Variants in ACTR8 observed in about 807,000 individuals in gnomAD.
ACTR8 encodes the protein actin related protein 8.
A neutral mutation model predicts 84.3 loss-of-function variants in ACTR8; 70 were observed. The observed-to-expected ratio is 0.83, with a 90% CI of 0.68 to 1.01. The LOEUF (loss-of-function observed/expected upper bound fraction) is 1.01, where lower values mean the gene tolerates loss of function less well. Among genes scored for constraint, ACTR8 ranks in the 50% least tolerant of loss-of-function variants. The pLI, the probability that ACTR8 is intolerant of heterozygous loss-of-function variation, is 0.00. For missense variants in ACTR8, 672 were observed against 775.4 expected (o/e 0.87, Z 1.58); for synonymous variants, 268 against 275.2 (o/e 0.97, Z 0.26).
At chr3:53,873,303 A>G (rs1364754913) in intron 8 of ACTR8, among the ~76,000 whole-genome samples, 176 bp from the exon 9 acceptor site, 1 of 152,224 alleles carries the variant, frequency 6.6e-6, no homozygotes, top group Non-Finnish European at 1.5e-5. Context: ...TTGTTCCCCT[A>G]TTTAACATTT....
chr3:53,875,472 T>C (rs1412834521), intron 7 of ACTR8, among the ~76,000 whole-genome samples: 1 of 152,216 alleles, frequency 6.6e-6, no homozygotes, highest in African/African-American at 2.4e-5. Flanking sequence ...TTATTTTCTT[T>C]ACCTGTCTAT....
intron 1 of ACTR8, among the ~76,000 whole-genome samples, chr3:53,880,451 T>G (rs868676514): frequency 6.6e-6 from 1 of 152,226 alleles, no homozygotes; most frequent in Non-Finnish European, 1.5e-5. Context: ...AATTCACGGA[T>G]CTGTCTGCAA....
chr3:53,868,664 T>A lies in ACTR8; in HGVS notation c.*55A>T. 3 of 1,592,410 alleles carry A rather than the reference T, an allele frequency of 1.9e-6. No individual in the cohort carries two copies. The highest frequency in any genetic ancestry group is 2.6e-6 in the Non-Finnish European group (3 of 1,169,854). On this transcript the variant is annotated 3_prime_UTR_variant, in exon 13 of 13. Coordinates refer to ENST00000335754, the MANE Select transcript of ACTR8 (RefSeq NM_022899.5). ...TTACAATACACATATTCTGTAAGAGTCTTTTATACCAAGAAGCTTGTTTTT... is the reference window on the plus strand; with the variant it reads ...TTACAATACACATATTCTGTAAGAGACTTTTATACCAAGAAGCTTGTTTTT...
chr3:53,860,274 T>C, the ACTR8 span: 2 of 1,490,056 alleles, frequency 1.3e-6, no homozygotes, highest in Non-Finnish European at 9.2e-7. Flanking sequence ...GGAAATAACA[T>C]TTTGAATTTT....
chr3:53,880,142 T>G (rs770586066), intron 1 of ACTR8, 33 bp from the exon 2 acceptor site: 2 of 1,592,354 alleles, frequency 1.3e-6, no homozygotes, highest in Non-Finnish European at 1.7e-6. Flanking sequence ...TGTGACTTTG[T>G]AAATAATATG....
chr3:53,871,412 G>A lies in ACTR8; in HGVS notation c.1387C>T (p.Pro463Ser). ...GDLRGQSSDL[P>S]ERLHSQEVDL... is the part of the protein sequence containing the mutation. ...ACCTCCTGGGAATGGAGTCTTTCTGGAAGATCAGAGGACTGGCCACGAAGA... is the reference window on the plus strand; with the variant it reads ...ACCTCCTGGGAATGGAGTCTTTCTGAAAGATCAGAGGACTGGCCACGAAGA... Residue 463 changes from proline (P) to serine (S), a missense_variant, in exon 11 of 13, where the codon CCA becomes TCA. By Grantham distance (74) the Pro-to-Ser change is moderately conservative. Transcript: ENST00000335754. The A allele has an allele frequency of 6.2e-7, 1 of 1,614,200 alleles. No homozygotes were observed. The highest frequency in any genetic ancestry group is 8.5e-7 in the Non-Finnish European group (1 of 1,180,036).
At chr3:53,881,164 A>G (rs1700052771) in intron 1 of ACTR8, among the ~76,000 whole-genome samples, 1 of 152,212 alleles carries the variant, frequency 6.6e-6, no homozygotes, top group African/African-American at 2.4e-5. Context: ...GTGATAACTA[A>G]CTAGTAGCTG....
the ACTR8 span, among the ~76,000 whole-genome samples, chr3:53,861,927 G>A: frequency 6.6e-6 from 1 of 152,170 alleles, no homozygotes; most frequent in African/African-American, 2.4e-5. Context: ...AGGCTAACTG[G>A]ACTGCTTTGT....
chr3:53,872,952 C>A, intron 9 of ACTR8, 80 bp downstream of exon 9: 1 of 1,135,802 alleles, frequency 8.8e-7, no homozygotes, highest in South Asian at 1.4e-5. Context: ...ACAATGTTTC[C>A]AGCAAGGGCA....
At chr3:53,872,301 T>C (rs1699894487) in intron 10 of ACTR8, 83 bp downstream of exon 10, 1 of 1,380,954 alleles carries the variant, frequency 7.2e-7, no homozygotes, top group African/African-American at 1.5e-5. Flanking sequence ...AAGATAGAAC[T>C]GATTACAATG....
chr3:53,861,852 T>C, the ACTR8 span, among the ~76,000 whole-genome samples: 3,330 of 152,156 alleles, frequency 0.022, 63 homozygotes, highest in Non-Finnish European at 0.034. Flanking sequence ...GGGAAAAAAA[T>C]GCTACAAAGG....
chr3:53,863,508 A>C (rs1398890997), downstream of ACTR8, among the ~76,000 whole-genome samples: 2 of 152,248 alleles, frequency 1.3e-5, no homozygotes, highest in Non-Finnish European at 2.9e-5. Context: ...AAGCTAAGAA[A>C]GCCACAGGGG....
intron 12 of ACTR8, among the ~76,000 whole-genome samples, chr3:53,869,723 C>T (rs59514001): frequency 0.011 from 1,606 of 152,282 alleles, 22 homozygotes; most frequent in African/African-American, 0.035. Context: ...CTCCCCTTGC[C>T]CCACCTGATC....
intron 7 of ACTR8, among the ~76,000 whole-genome samples, chr3:53,875,622 G>A (rs188545349): frequency 7.1e-4 from 108 of 152,338 alleles, no homozygotes; most frequent in Non-Finnish European, 1.3e-3. Context: ...ATAAGGATGT[G>A]ATTAGTAGCT....
At chr3:53,869,897 C>T (rs1173657016) in intron 12 of ACTR8, 85 bp downstream of exon 12, 25 of 1,503,884 alleles carry the variant, frequency 1.7e-5, no homozygotes, top group Non-Finnish European at 2.1e-5. Context: ...CAGACACAAG[C>T]CCATGCCTCC....
At chr3:53,875,385 T>C (rs1303469624) in intron 7 of ACTR8, among the ~76,000 whole-genome samples, 1 of 152,186 alleles carries the variant, frequency 6.6e-6, no homozygotes, top group African/African-American at 2.4e-5. Context: ...AGAGAGCCCA[T>C]ACCTGCATTA....
chr3:53,881,901 C>T (rs71301855), intron 1 of ACTR8, 78 bp downstream of exon 1: 1 of 1,544,192 alleles, frequency 6.5e-7, no homozygotes, highest in Admixed American at 2.0e-5. Context: ...CTCGAAGCCT[C>T]CCGCCGCCTC....
At chr3:53,871,791 C>T (rs1039817087) in intron 10 of ACTR8, among the ~76,000 whole-genome samples, 5 of 152,174 alleles carry the variant, frequency 3.3e-5, no homozygotes, top group Admixed American at 6.5e-5. Context: ...CTTTCTTCCC[C>T]GTGCCCTGAG....
At chr3:53,877,164 T>C in intron 5 of ACTR8, 50 bp downstream of exon 5, 2 of 1,512,312 alleles carry the variant, frequency 1.3e-6, no homozygotes, top group Non-Finnish European at 1.8e-6. Flanking sequence ...TGTACTTTCA[T>C]TGACCAAGAA....
Sources: allele counts gnomAD v4.1 joint callset (sites outside exome capture counted in the v4.1 genomes callset), GRCh38; gene constraint gnomAD v4.1.1; transcripts MANE v1.5; gene names NCBI Gene and HGNC (gene_info 2026-07-23, HGNC 2026-07-21).